The following SPAG16 variants were observed in gnomAD, a reference collection of about 807,000 sequenced individuals.
The protein encoded by SPAG16 is sperm-associated antigen 16 protein.
Under a neutral mutation model 80.4 loss-of-function variants are expected in SPAG16, and 86 were observed. That is an observed-to-expected ratio of 1.07 (90% CI 0.90 to 1.28). The LOEUF is 1.28. Among genes scored for constraint, SPAG16 ranks in the 50% most tolerant of loss-of-function variants. The pLI, the probability that SPAG16 is intolerant of heterozygous loss-of-function variation, is 0.00. For missense variants in SPAG16, 870 were observed against 765.3 expected, an observed-to-expected ratio of 1.14 and a Z score of -1.61; for synonymous variants, 294 against 265.9, an observed-to-expected ratio of 1.11 and a Z score of -1.03.
intron 13 of SPAG16, among the ~76,000 whole-genome samples, chr2:214,093,183 C>G (rs1360792025): frequency 6.6e-6 from 1 of 151,948 alleles, no homozygotes; most frequent in Non-Finnish European, 1.5e-5. Flanking sequence ...TTTCAGCTAC[C>G]TAGTTAGTAA....
At chr2:214,088,955 AATAAT>A (rs1215726985) in intron 13 of SPAG16, among the ~76,000 whole-genome samples, 3 of 152,146 alleles carry the variant, frequency 2.0e-5, no homozygotes, top group Non-Finnish European at 2.9e-5. Flanking sequence ...TAGATGTAAA[AATAAT>A]ATAATATTTG....
At chr2:214,092,506 A>T (rs369946729) in intron 13 of SPAG16, among the ~76,000 whole-genome samples, 2 of 147,782 alleles carry the variant, frequency 1.4e-5, no homozygotes, top group Non-Finnish European at 3.0e-5. Context: ...TATATATATA[A>T]ATATATATAT....
chr2:214,371,732 G>A (rs1467870540), intron 15 of SPAG16, among the ~76,000 whole-genome samples: 2 of 148,886 alleles, frequency 1.3e-5, no homozygotes, highest in East Asian at 4.0e-4. Flanking sequence ...CCAGGCTGGA[G>A]TGCAATGGCG....
chr2:213,816,177 T>A (rs1275728022), intron 10 of SPAG16, among the ~76,000 whole-genome samples: 1 of 152,194 alleles, frequency 6.6e-6, no homozygotes, highest in East Asian at 1.9e-4. Context: ...ATACAGTATA[T>A]ACTTTTTTGT....
chr2:213,940,303 T>G (rs974024971), intron 12 of SPAG16, among the ~76,000 whole-genome samples: 4 of 152,206 alleles, frequency 2.6e-5, no homozygotes, highest in African/African-American at 9.7e-5. Flanking sequence ...TTTAAAAAGT[T>G]TTTTTAGAGA....
intron 10 of SPAG16, among the ~76,000 whole-genome samples, chr2:213,661,036 G>T (rs1011381528): frequency 6.6e-6 from 1 of 152,084 alleles, no homozygotes; most frequent in Non-Finnish European, 1.5e-5. Flanking sequence ...AGATTTCGTA[G>T]CCCCCACTGC....
chr2:213,748,136 A>G (rs1254368057), intron 10 of SPAG16, among the ~76,000 whole-genome samples: 1 of 152,184 alleles, frequency 6.6e-6, no homozygotes, highest in Non-Finnish European at 1.5e-5. Flanking sequence ...CATGAATTTC[A>G]GGTTACAAAA....
chr2:213,317,517 CAG>C (rs1311362205), intron 5 of SPAG16, 161 bp downstream of exon 5: 2 of 1,341,036 alleles, frequency 1.5e-6, no homozygotes, highest in African/African-American at 1.5e-5. Flanking sequence ...ATTAATTAAA[CAG>C]ATGATCAGAA....
At chr2:213,746,404 C>G (rs545001635) in intron 10 of SPAG16, among the ~76,000 whole-genome samples, 22 of 152,328 alleles carry the variant, frequency 1.4e-4, no homozygotes, top group Admixed American at 9.1e-4. Context: ...TGAAAAATTC[C>G]TATCACCTAG....
chr2:213,355,175 G>T (rs753133391), intron 7 of SPAG16, among the ~76,000 whole-genome samples: 3 of 152,168 alleles, frequency 2.0e-5, no homozygotes, highest in Non-Finnish European at 4.4e-5. Context: ...GATGGTTGTA[G>T]ATGTGTGGTG....
chr2:214,095,879 C>T (rs1019013296), intron 13 of SPAG16, among the ~76,000 whole-genome samples: 3 of 151,812 alleles, frequency 2.0e-5, no homozygotes, highest in Non-Finnish European at 2.9e-5. Context: ...TACAACCCCT[C>T]AGAAACCTTG....
At chr2:213,795,369 T>C (rs2070959167) in intron 10 of SPAG16, among the ~76,000 whole-genome samples, 1 of 152,236 alleles carries the variant, frequency 6.6e-6, no homozygotes. Context: ...AGGTTACTAA[T>C]ACCACTAGTC....
At chr2:214,136,383 T>C (rs1214902873) in intron 14 of SPAG16, among the ~76,000 whole-genome samples, 1 of 152,208 alleles carries the variant, frequency 6.6e-6, no homozygotes, top group Non-Finnish European at 1.5e-5. Flanking sequence ...TCATTTGTAA[T>C]ATTGAGCAGT....
intron 9 of SPAG16, among the ~76,000 whole-genome samples, chr2:213,397,556 C>T (rs1237404679): frequency 6.6e-6 from 1 of 152,092 alleles, no homozygotes; most frequent in Non-Finnish European, 1.5e-5. Context: ...AAAGTGATTC[C>T]TCCATAATGC....
chr2:213,579,937 G>C (rs1042592764), intron 10 of SPAG16, among the ~76,000 whole-genome samples: 7 of 152,110 alleles, frequency 4.6e-5, no homozygotes, highest in African/African-American at 1.7e-4. Flanking sequence ...AATATCAGGA[G>C]ATTAACATTG....
intron 9 of SPAG16, among the ~76,000 whole-genome samples, chr2:213,381,494 G>T (rs2067170635): frequency 6.6e-6 from 1 of 152,170 alleles, no homozygotes; most frequent in African/African-American, 2.4e-5. Context: ...GCACTGGATG[G>T]TAGCTGAATA....
chr2:213,530,144 A>T (rs766507137), intron 10 of SPAG16, among the ~76,000 whole-genome samples: 23 of 152,228 alleles, frequency 1.5e-4, no homozygotes, highest in Admixed American at 2.6e-4. Flanking sequence ...TGGCTTTTTA[A>T]TAAGCTAGAG....
At chr2:213,660,983 T>A (rs1281604384) in intron 10 of SPAG16, among the ~76,000 whole-genome samples, 1 of 152,160 alleles carries the variant, frequency 6.6e-6, no homozygotes, top group Non-Finnish European at 1.5e-5. Flanking sequence ...GGTCCCACTT[T>A]ATGCACTCTT....
intron 10 of SPAG16, among the ~76,000 whole-genome samples, chr2:213,709,539 C>T (rs2065895022): frequency 1.3e-5 from 2 of 152,148 alleles, no homozygotes; most frequent in East Asian, 1.9e-4. Context: ...AACAGGGGTT[C>T]ATTTTACTTT....
Sources: gnomAD v4.1 joint callset for allele counts (sites outside exome capture counted in the v4.1 genomes callset) on GRCh38, gnomAD v4.1.1 for gene constraint, MANE v1.5 for transcripts, NCBI Gene and HGNC (gene_info 2026-07-23, HGNC 2026-07-21) for gene names.